The following MROH2A variants were observed in gnomAD, a reference collection of about 807,000 sequenced individuals.
MROH2A encodes maestro heat like repeat family member 2A, also known as maestro heat-like repeat-containing protein family member 2A.
In MROH2A, 174 loss-of-function variants were observed where a neutral mutation model predicts 200.4. The observed-to-expected ratio is 0.87, with a 90% CI of 0.77 to 0.98. The LOEUF is 0.98. MROH2A is among the 50% of genes least tolerant of loss of function. MROH2A has a pLI of 0.00. For missense variants in MROH2A, 2,045 were observed against 2,139.6 expected, an observed-to-expected ratio of 0.96 and a Z score of 0.87; for synonymous variants, 829 against 840.4, an observed-to-expected ratio of 0.99 and a Z score of 0.23.
At position 233,809,186 on chromosome 2, in the gene MROH2A, G is replaced by A. The variant is rs1332378091; in HGVS notation, c.2356G>A (p.Val786Met). ...TGCCCTCATGGTGATGTATAGCTGC[G>A]TGGCCTCCTACTGCCACCCCCAGTT... ...KSALMVMYSC[V>M]ASYCHPQLLL... Residue 786 changes from valine (V) to methionine (M), a missense_variant, in exon 22 of 42, where the codon GTG (valine) becomes ATG (methionine). Coordinates refer to ENST00000389758, the MANE Select transcript of MROH2A (RefSeq NM_001394639.1). 39 of 1,550,396 alleles carry A rather than the reference G, an allele frequency of 2.5e-5. No homozygotes were observed. Among genetic ancestry groups the A allele is most frequent in the East Asian group, 9.8e-5 (4 of 40,922 alleles).
chr2:233,797,594 G>A (rs1702199768), intron 11 of MROH2A, among the ~76,000 whole-genome samples: 3 of 152,156 alleles, frequency 2.0e-5, no homozygotes, highest in African/African-American at 7.2e-5. Flanking sequence ...AGAAATCTAT[G>A]TTCATTTATG....
In MROH2A at chr2:233,823,681, G is replaced by A. The variant is rs776521808; in HGVS notation, c.4113+17G>A. The A allele has an allele frequency of 1.4e-4, 219 of 1,547,324 alleles. No individual in the cohort carries two copies. In the African/African-American group the frequency reaches 2.5e-3, roughly 17 times the overall value. ...GCGGTCTGCGTGGAAATGAGGCACCGGGTGTGGGCGGGGTGCAAGCGGAGG... is the reference window on the plus strand; with the variant it reads ...GCGGTCTGCGTGGAAATGAGGCACCAGGTGTGGGCGGGGTGCAAGCGGAGG... On this transcript the variant is annotated intron_variant, in intron 35 of 41. Transcript: ENST00000389758.
Position 233,788,263 on chromosome 2 carries a change from G to GTAA in MROH2A, c.277-1197_277-1195dup, listed in dbSNP as rs71973977. ...GAAAAAAGTCTAAATGTCCTTGGGA[G>GTAA]TAATAATAATAATAATAATAATAAT... On this transcript the variant is annotated intron_variant, in intron 3 of 41. Transcript: ENST00000389758. Among the ~76,000 whole-genome samples the GTAA allele has an allele frequency of 2.7e-3, 351 of 128,488 alleles. 3 individuals are homozygous for GTAA. Among genetic ancestry groups the GTAA allele is most frequent in the South Asian group, 4.6e-3 (19 of 4,100 alleles). 84.3% of individuals were successfully genotyped at this position (128,488 alleles called of 152,430 possible). A position where few individuals can be genotyped will look rare whatever the true frequency, so the allele number is the denominator to read the frequency against.
At position 233,833,127 on chromosome 2, in the gene MROH2A, TTC is replaced by T; in HGVS notation, c.4904-4_4904-3del. ...GGGGCCTGAACCTTCCCTCTTTGTG[TTC>T]TCTCTCAGCCCTCCAGGAACTACAG... On this transcript the variant is annotated splice_polypyrimidine_tract_variant and intron_variant, in intron 41 of 41. Transcript: ENST00000389758. 6 of 1,534,354 alleles carry T rather than the reference TTC, an allele frequency of 3.9e-6. No homozygotes were observed. The highest frequency in any genetic ancestry group is 1.4e-5 in the African/African-American group (1 of 72,304).
intron 5 of MROH2A, among the ~76,000 whole-genome samples, chr2:233,792,460 C>T (rs1194245465): frequency 6.6e-6 from 1 of 152,100 alleles, no homozygotes; most frequent in East Asian, 1.9e-4. Flanking sequence ...CTACAGGCGC[C>T]TGCCAACACG....
Position 233,828,678 on chromosome 2 carries a change from G to C in MROH2A, c.4162G>C (p.Ala1388Pro). 5 of 1,550,756 alleles carry C rather than the reference G, an allele frequency of 3.2e-6. No homozygotes were observed. Among genetic ancestry groups the C allele is most frequent in the Non-Finnish European group, 4.4e-6 (5 of 1,147,028 alleles). Residue 1388 changes from alanine to proline, a missense_variant, in exon 36 of 42, where the codon GCT becomes CCT. Physicochemically the swap from Ala to Pro is conservative, Grantham distance 27. Around this residue, in one of 3 missense-constraint regions of MROH2A, gnomAD observed 1,201 missense variants for 1,311.3 expected, o/e 0.92. Coordinates refer to ENST00000389758, the MANE Select transcript of MROH2A (RefSeq NM_001394639.1). This position sits in a 1 kb window ranked among gnomAD's most constrained non-coding sequence, Gnocchi z 4.6. ...CCAGGAGAAGCTGCTGAAGCCGGCAGCTTTGCTGCTGGAGAAGGGTGCCGA... is the reference window on the plus strand; with the variant it reads ...CCAGGAGAAGCTGCTGAAGCCGGCACCTTTGCTGCTGGAGAAGGGTGCCGA... ...LYQEKLLKPA[A>P]LLLEKGADQE...
chr2:233,832,022 G>A (rs1704790824), intron 39 of MROH2A, among the ~76,000 whole-genome samples, 155 bp from the exon 40 acceptor site: 1 of 152,174 alleles, frequency 6.6e-6, no homozygotes, highest in African/African-American at 2.4e-5. Flanking sequence ...GTGGCCAGTG[G>A]TCCTTCACTT....
rs966300641 is a variant in MROH2A at position 233,832,180 on chromosome 2, C to G, written c.4738C>G (p.Arg1580Gly). Residue 1580 changes from arginine to glycine, a missense_variant, in exon 40 of 42, where the codon CGG becomes GGG. Transcript: ENST00000389758. ...GTGTATCACTTACTTTTTGCAGACT[C>G]GGAAAAAGCCGGCTGTTCTCTACCG... ...FQTTMCSILTRKKPAVLYRFL... is the reference protein window; with the variant it reads ...FQTTMCSILTGKKPAVLYRFL... 7.1e-6 allele frequency: 11 copies of G among 1,550,114 alleles called. No homozygotes were observed. The highest frequency in any genetic ancestry group is 9.6e-6 in the Non-Finnish European group (11 of 1,146,868).
intron 22 of MROH2A, among the ~76,000 whole-genome samples, chr2:233,810,335 T>TGGTGG: frequency 6.6e-6 from 1 of 152,310 alleles, no homozygotes; most frequent in South Asian, 2.1e-4. Flanking sequence ...ACTTCTTACA[T>TGGTGG]GGTGGCAGCA....
At position 233,822,374 on chromosome 2, in the gene MROH2A, C is replaced by A. The variant is rs1314525399; in HGVS notation, c.3684C>A (p.Thr1228=). 6.4e-7 allele frequency: 1 copy of A among 1,550,998 alleles called. No individual in the cohort carries two copies. ...CCTTCTCTCTGCAGACCCTGTGCACCATCCACCTTCTCATTCAGAAGCTGG... is the reference window on the plus strand; with the variant it reads ...CCTTCTCTCTGCAGACCCTGTGCACAATCCACCTTCTCATTCAGAAGCTGG... ...AAVDPLMTLC[T]IHLLIQKLDE... The change falls in exon 33 of 42, where the codon ACC becomes ACA. Residue 1228 remains threonine, a synonymous_variant. Transcript: ENST00000389758.
intron 5 of MROH2A, among the ~76,000 whole-genome samples, chr2:233,792,351 C>T (rs574124104): frequency 1.8e-3 from 273 of 148,078 alleles, no homozygotes; most frequent in Middle Eastern, 6.8e-3. Context: ...CATGCTCTGT[C>T]GCCCAGGCTG....
chr2:233,793,230 G>A (rs910008436), intron 6 of MROH2A, among the ~76,000 whole-genome samples: 6 of 152,188 alleles, frequency 3.9e-5, no homozygotes, highest in South Asian at 4.1e-4. Context: ...CGGGGAAAAC[G>A]GCTCCATGTG....
At chr2:233,818,220 T>A in intron 28 of MROH2A, 95 bp downstream of exon 28, 1 of 1,446,980 alleles carries the variant, frequency 6.9e-7, no homozygotes, top group Non-Finnish European at 9.3e-7. Flanking sequence ...GAGGGAAGGA[T>A]GGCCTCTGTG....
In MROH2A at chr2:233,779,747, C is replaced by T. The variant is rs1274925532; in HGVS notation, c.171C>T (p.Gly57=). 1.9e-6 allele frequency: 3 copies of T among 1,550,948 alleles called. No homozygotes were observed. In the African/African-American group the frequency reaches 4.1e-5, roughly 21 times the overall value. Residue 57 remains glycine (G), a synonymous_variant, in exon 3 of 42, where the codon GGC becomes GGT. Coordinates refer to ENST00000389758, the MANE Select transcript of MROH2A (RefSeq NM_001394639.1). ...CAAAGACGGACACAACAGGGGCAGG[C>T]CTTGACATGCGGAAGACCCTGGCCT... ...ESAKTDTTGA[G]LDMRKTLASV...
At chr2:233,781,910 G>C (rs1700973743) in intron 3 of MROH2A, among the ~76,000 whole-genome samples, 1 of 152,176 alleles carries the variant, frequency 6.6e-6, no homozygotes, top group Middle Eastern at 3.2e-3. Flanking sequence ...TATGGTGAGA[G>C]ATAGGGGTTT....
In MROH2A at chr2:233,829,024, G is replaced by T; in HGVS notation, c.4398G>T (p.Gly1466=). 4 of 1,549,474 alleles carry T rather than the reference G, an allele frequency of 2.6e-6. No homozygotes were observed. The highest frequency in any genetic ancestry group is 3.5e-6 in the Non-Finnish European group (4 of 1,146,476). The part of the protein sequence containing the change: ...ILAELREGDV[G]SSFDAMSEQC... ...CTGAGCTCCGGGAAGGGGATGTGGG[G>T]TCCTCTTTCGACGCCATGTCTGAGC... Residue 1466 remains glycine, a synonymous_variant, in exon 37 of 42, where the codon GGG becomes GGT. Transcript: ENST00000389758.
intron 14 of MROH2A, among the ~76,000 whole-genome samples, chr2:233,801,112 A>T (rs1036519075): frequency 6.6e-6 from 1 of 152,226 alleles, no homozygotes; most frequent in Admixed American, 6.5e-5. Flanking sequence ...TAGATGAAGA[A>T]ACAGACCCAG....
At chr2:233,790,796 A>G (rs964485905) in intron 5 of MROH2A, among the ~76,000 whole-genome samples, 1 of 151,684 alleles carries the variant, frequency 6.6e-6, no homozygotes, top group Non-Finnish European at 1.5e-5. Context: ...ACTACAATAC[A>G]TAAGACACAC....
chr2:233,818,071 C>G lies in MROH2A; in HGVS notation c.3031C>G (p.Gln1011Glu). 6.4e-7 allele frequency: 1 copy of G among 1,551,028 alleles called. No homozygotes were observed. Among genetic ancestry groups the G allele is most frequent in the Admixed American group, 2.0e-5 (1 of 51,012 alleles). ...TGCCCCGTGCACCTGTGATGCCCAT[C>G]AAAGAACCCGCATGGCCTCAATGAA... ...LIAPCTCDAH[Q>E]RTRMASMNVL... The change falls in exon 28 of 42, where the codon CAA (glutamine) becomes GAA (glutamate). Residue 1011 changes from glutamine to glutamate, a missense_variant. Coordinates refer to ENST00000389758, the MANE Select transcript of MROH2A (RefSeq NM_001394639.1).
Sources: gnomAD v4.1 joint callset for allele counts (sites outside exome capture counted in the v4.1 genomes callset) on GRCh38, gnomAD v4.1.1 for gene constraint, gnomAD v4.1.1 regional missense constraint, Gnocchi (gnomAD v3.1) non-coding constraint, MANE v1.5 for transcripts, NCBI Gene and HGNC (gene_info 2026-07-23, HGNC 2026-07-21) for gene names.